The following ZMPSTE24 variants were observed in gnomAD, a reference collection of about 807,000 sequenced individuals.
ZMPSTE24 encodes zinc metallopeptidase STE24, also known as CAAX prenyl protease 1 homolog.
In ZMPSTE24, 48 loss-of-function variants were observed where a neutral mutation model predicts 56.7. The ratio of observed to expected loss-of-function variants is 0.85; its 90% CI spans 0.67 to 1.08. The LOEUF (loss-of-function observed/expected upper bound fraction) is 1.08, where lower values mean the gene tolerates loss of function less well. Among genes scored for constraint, ZMPSTE24 ranks in the 50% least tolerant of loss-of-function variants. The probability of loss-of-function intolerance (pLI) is 0.00; values close to 1 mark genes in which losing one functional copy is unlikely to be tolerated. For synonymous variants in ZMPSTE24, 172 were observed against 195.2 expected (o/e 0.88, Z 0.99); for missense variants, 503 against 548.7 (o/e 0.92, Z 0.83).
At chr1:40,271,667 A>G (rs1343252028) in intron 5 of ZMPSTE24, among the ~76,000 whole-genome samples, 1 of 152,248 alleles carries the variant, frequency 6.6e-6, no homozygotes, top group Non-Finnish European at 1.5e-5. Context: ...AATAAAATTC[A>G]TAAGTTTACT....
intron 7 of ZMPSTE24, 65 bp from the exon 8 acceptor site, chr1:40,285,860 C>G: frequency 7.6e-7 from 1 of 1,321,062 alleles, no homozygotes; most frequent in South Asian, 1.3e-5. Context: ...AGGGCTATTA[C>G]TGGGTTAAAA....
intron 2 of ZMPSTE24, among the ~76,000 whole-genome samples, chr1:40,264,387 A>G (rs1019733274): frequency 2.0e-5 from 3 of 152,090 alleles, no homozygotes; most frequent in Admixed American, 6.6e-5. Flanking sequence ...CATACCTTGT[A>G]TGGTTTGTGG....
intron 5 of ZMPSTE24, among the ~76,000 whole-genome samples, 192 bp from the exon 6 acceptor site, chr1:40,271,702 T>G (rs1192308040): frequency 6.6e-6 from 1 of 152,254 alleles, no homozygotes; most frequent in Non-Finnish European, 1.5e-5. Context: ...CTCATTTCAA[T>G]TTAATTCATC....
At position 40,271,993 on chromosome 1, in the gene ZMPSTE24, A is replaced by G; in HGVS notation, c.727A>G (p.Lys243Glu). ...KLKEEIEVMA[K>E]SIDFPLTKVY... ...TAAAGAAGAAATTGAAGTAATGGCA[A>G]AGAGTATTGACTTTCCTTTGACGAA... The change falls in exon 6 of 10, where the codon AAG (lysine) becomes GAG (glutamate). Residue 243 changes from lysine (K) to glutamate (E), a missense_variant. Transcript: ENST00000372759. The G allele has an allele frequency of 6.2e-7, 1 of 1,613,274 alleles. No homozygotes were observed. The highest frequency in any genetic ancestry group is 8.5e-7 in the Non-Finnish European group (1 of 1,179,462).
At chr1:40,283,538 C>CT (rs370038323) in intron 7 of ZMPSTE24, among the ~76,000 whole-genome samples, 3 of 151,430 alleles carry the variant, frequency 2.0e-5, no homozygotes, top group Admixed American at 6.6e-5. Context: ...CCTTTTGTTA[C>CT]TTTTTTTGTT....
In ZMPSTE24 at chr1:40,277,643, G is replaced by A. The variant is rs559416515; in HGVS notation, c.770-3700G>A. ...ACTTTCATAAATAACTTCAGATAGT[G>A]TTTAATAAATATTTTTAAATTAATT... On this transcript the variant is annotated intron_variant, in intron 6 of 9. Transcript: ENST00000372759. Among the ~76,000 whole-genome samples the A allele has an allele frequency of 4.1e-4, 63 of 152,166 alleles. 1 individual carries two copies. The South Asian group carries it at 0.012, about 30-fold the overall frequency.
In ZMPSTE24 at chr1:40,292,687, AC is replaced by A. The variant is rs755491960; in HGVS notation, c.*19del. The A allele has an allele frequency of 9.2e-5, 147 of 1,604,644 alleles. No homozygotes were observed. The highest frequency in any genetic ancestry group is 1.2e-4 in the Non-Finnish European group (142 of 1,171,756). ...AACACTGAGATGTCCAGGATCTGTG[AC>A]TGAAGACATTTCTGATTATTTCTGT... is the stretch of plus-strand genomic sequence containing the variant. On this transcript the variant is annotated 3_prime_UTR_variant, in exon 10 of 10. Coordinates refer to ENST00000372759, the MANE Select transcript of ZMPSTE24 (RefSeq NM_005857.5).
At chr1:40,274,120 G>A (rs554293661) in intron 6 of ZMPSTE24, among the ~76,000 whole-genome samples, 2 of 152,276 alleles carry the variant, frequency 1.3e-5, no homozygotes, top group Admixed American at 1.3e-4. Flanking sequence ...CCAGTGCTGG[G>A]CTTGGTGGCT....
At position 40,271,911 on chromosome 1, in the gene ZMPSTE24, T is replaced by C; in HGVS notation, c.645T>C (p.Tyr215=). 3 of 1,613,708 alleles carry C rather than the reference T, an allele frequency of 1.9e-6. No homozygotes were observed. The highest frequency in any genetic ancestry group is 1.1e-5 in the South Asian group (1 of 91,052). The change falls in exon 6 of 10, where the codon TAT becomes TAC. Residue 215 remains tyrosine (Y), a synonymous_variant. Transcript: ENST00000372759. The part of the protein sequence containing the change: ...LVVSLVLVTI[Y]ADYIAPLFDK... ...CTTTTCAGGTTCTTGTCACAATCTA[T>C]GCTGATTATATTGCCCCTTTATTTG...
chr1:40,282,961 A>G (rs567111752), intron 7 of ZMPSTE24, among the ~76,000 whole-genome samples: 70 of 152,302 alleles, frequency 4.6e-4, no homozygotes, highest in African/African-American at 1.7e-3. Context: ...ATGAAATAAT[A>G]TGTGTGAAAT....
chr1:40,269,667 T>C (rs1643593511), intron 4 of ZMPSTE24, among the ~76,000 whole-genome samples: 1 of 152,140 alleles, frequency 6.6e-6, no homozygotes. Flanking sequence ...GGTCTCACTA[T>C]GTTGCCCAGG....
intron 6 of ZMPSTE24, among the ~76,000 whole-genome samples, chr1:40,276,408 T>C (rs1197707291): frequency 6.6e-6 from 1 of 152,116 alleles, no homozygotes; most frequent in Non-Finnish European, 1.5e-5. Flanking sequence ...GAGAGGCCCT[T>C]GAGGTAGGAA....
At chr1:40,272,073 G>T in intron 6 of ZMPSTE24, 38 bp downstream of exon 6, 2 of 1,550,880 alleles carry the variant, frequency 1.3e-6, no homozygotes, top group South Asian at 1.3e-5. Context: ...TTATCCAAGT[G>T]GTTTGTTTTA....
chr1:40,291,264 G>GATT (rs1326173297), intron 9 of ZMPSTE24, among the ~76,000 whole-genome samples: 1 of 152,176 alleles, frequency 6.6e-6, no homozygotes, highest in African/African-American at 2.4e-5. Context: ...GGTAGATGGA[G>GATT]ATTAACTATT....
intron 2 of ZMPSTE24, among the ~76,000 whole-genome samples, chr1:40,265,455 C>A (rs1643539347): frequency 6.6e-6 from 1 of 152,150 alleles, no homozygotes; most frequent in African/African-American, 2.4e-5. Context: ...GTAGCTCATG[C>A]CTGTAATCCC....
intron 1 of ZMPSTE24, 106 bp downstream of exon 1, chr1:40,258,500 C>T (rs781081559): frequency 1.1e-4 from 175 of 1,582,162 alleles, no homozygotes; most frequent in Non-Finnish European, 1.3e-4. Flanking sequence ...GCGCCAGTCT[C>T]GTCTTTGTGG....
Position 40,282,584 on chromosome 1 carries a change from C to T in ZMPSTE24, c.954+1057C>T, listed in dbSNP as rs1043089072. On this transcript the variant is annotated intron_variant, in intron 7 of 9. Coordinates refer to ENST00000372759, the MANE Select transcript of ZMPSTE24 (RefSeq NM_005857.5). ...GTCGAACTGCTGGCCTCAAGTTACC[C>T]GCCTGCCTTGGCCTCCCAAAGTGCT... Among the ~76,000 whole-genome samples the T allele has an allele frequency of 6.6e-5, 10 of 152,280 alleles. No individual in the cohort carries two copies. In the South Asian group the frequency reaches 1.0e-3, roughly 16 times the overall value.
At chr1:40,264,724 T>TA in intron 2 of ZMPSTE24, among the ~76,000 whole-genome samples, 1 of 151,200 alleles carries the variant, frequency 6.6e-6, no homozygotes, top group East Asian at 1.9e-4. Context: ...AAAAAATTTT[T>TA]AAAAAATCAA....
In ZMPSTE24 at chr1:40,260,767, C is replaced by T. The variant is rs964629475; in HGVS notation, c.124-72C>T. ...TATAAGTGGCAAGCTATAAACCATT[C>T]GATGTTTGATCATAAATGACTATTG... On this transcript the variant is annotated intron_variant, in intron 1 of 9. Transcript: ENST00000372759. 29 of 1,507,464 alleles carry T rather than the reference C, an allele frequency of 1.9e-5. 1 individual carries two copies. In the Middle Eastern group the frequency reaches 8.6e-4, roughly 45 times the overall value. The allele number at this position is 1,507,464 out of a possible 1,614,324, so 93.4% of individuals were successfully genotyped here.
Sources: allele counts gnomAD v4.1 joint callset (sites outside exome capture counted in the v4.1 genomes callset), GRCh38; gene constraint gnomAD v4.1.1; transcripts MANE v1.5; gene names NCBI Gene and HGNC (gene_info 2026-07-23, HGNC 2026-07-21).